The following CXADR variants were observed in gnomAD, a reference collection of about 807,000 sequenced individuals.
CXADR encodes coxsackievirus and adenovirus receptor.
In CXADR, 20 loss-of-function variants were observed where a neutral mutation model predicts 40.3. The observed-to-expected ratio is 0.50, with a 90% CI of 0.35 to 0.72. The LOEUF (loss-of-function observed/expected upper bound fraction) is 0.72. Ranked by LOEUF, CXADR falls within the 30% of genes least tolerant of loss-of-function variation. The pLI, the probability that CXADR is intolerant of heterozygous loss-of-function variation, is 0.01. For missense variants in CXADR, 332 were observed against 449.1 expected (o/e 0.74, Z 2.36); for synonymous variants, 150 against 161.3 (o/e 0.93, Z 0.53).
the CXADR span, among the ~76,000 whole-genome samples, chr21:17,607,837 A>C: frequency 3.3e-5 from 5 of 152,244 alleles, no homozygotes; most frequent in African/African-American, 1.2e-4. Context: ...AGTTTAGCAG[A>C]ACATTCTCAA....
intron 1 of CXADR, among the ~76,000 whole-genome samples, chr21:17,521,318 T>TTTATTA (rs202127220): frequency 1.3e-5 from 2 of 151,526 alleles, no homozygotes; most frequent in African/African-American, 4.8e-5. Context: ...GAAGCCAGAT[T>TTTATTA]TTATTATTAT....
At chr21:17,608,869 GAT>G in the CXADR span, 1 of 1,141,832 alleles carries the variant, frequency 8.8e-7, no homozygotes, top group African/African-American at 1.6e-5. Context: ...ATATTTTGCA[GAT>G]GAAACACCTG....
At chr21:17,614,932 G>A in the CXADR span, among the ~76,000 whole-genome samples, 2 of 152,068 alleles carry the variant, frequency 1.3e-5, no homozygotes, top group Non-Finnish European at 2.9e-5. Flanking sequence ...CTTGTGAGTT[G>A]GAATCACAAA....
chr21:17,514,443 C>T (rs2060432736), intron 1 of CXADR, among the ~76,000 whole-genome samples: 1 of 151,892 alleles, frequency 6.6e-6, no homozygotes, highest in African/African-American at 2.4e-5. Flanking sequence ...GTAAGCCTTC[C>T]GGAGAAGATG....
At chr21:17,594,674 G>A (rs1035590025), downstream of CXADR, among the ~76,000 whole-genome samples, 1 of 152,066 alleles carries the variant, frequency 6.6e-6, no homozygotes, top group Non-Finnish European at 1.5e-5. Flanking sequence ...TAAGCCAGGA[G>A]TCACTTGGAG....
chr21:17,522,198 G>C (rs540060504), intron 1 of CXADR, among the ~76,000 whole-genome samples: 30 of 151,790 alleles, frequency 2.0e-4, no homozygotes, highest in Admixed American at 1.2e-3. Context: ...GCCCAGGCTA[G>C]AGTGCAATGG....
At chr21:17,527,111 A>G (rs2060607048) in intron 1 of CXADR, 1 of 152,208 alleles carries the variant, frequency 6.6e-6, no homozygotes. Context: ...GTAATATACT[A>G]TTTCGGTTGA....
At chr21:17,560,927 T>G in intron 5 of CXADR, 103 bp downstream of exon 5, 4 of 1,503,918 alleles carry the variant, frequency 2.7e-6, no homozygotes, top group Non-Finnish European at 3.6e-6. Flanking sequence ...GGACACTGAC[T>G]TTGATCAGAA....
chr21:17,622,367 G>A, the CXADR span, among the ~76,000 whole-genome samples: 1 of 151,990 alleles, frequency 6.6e-6, no homozygotes, highest in Non-Finnish European at 1.5e-5. Flanking sequence ...ATTTTGTAAT[G>A]ATGTGCTTAT....
chr21:17,635,424 G>T, the CXADR span, among the ~76,000 whole-genome samples: 10 of 152,010 alleles, frequency 6.6e-5, no homozygotes, highest in Non-Finnish European at 1.2e-4. Context: ...AATTTAGTTA[G>T]TAAATTAGAA....
intron 2 of CXADR, among the ~76,000 whole-genome samples, chr21:17,550,318 C>T (rs375158636): frequency 4.7e-5 from 7 of 148,964 alleles, no homozygotes; most frequent in African/African-American, 1.7e-4. Flanking sequence ...CGCACCACTG[C>T]ACTCCTGCCT....
the CXADR span, chr21:17,598,952 C>T: frequency 1.4e-6 from 1 of 718,760 alleles, no homozygotes; most frequent in South Asian, 1.9e-5. Context: ...CAGAACTTGA[C>T]CCTACACATT....
chr21:17,527,846 C>G (rs966678302), intron 1 of CXADR, among the ~76,000 whole-genome samples: 1 of 151,644 alleles, frequency 6.6e-6, no homozygotes, highest in Admixed American at 6.6e-5. Flanking sequence ...GAATCTCGCT[C>G]TGTCGCCCAG....
chr21:17,590,290 TACAGAATAA>T, intron 7 of CXADR, among the ~76,000 whole-genome samples: 1 of 152,100 alleles, frequency 6.6e-6, no homozygotes, highest in East Asian at 1.9e-4. Context: ...TTGTGTGCTT[TACAGAATAA>T]ACATCAAACT....
At chr21:17,578,426 G>A (rs781084568) in intron 7 of CXADR, among the ~76,000 whole-genome samples, 31 of 152,190 alleles carry the variant, frequency 2.0e-4, no homozygotes, top group Middle Eastern at 3.4e-3. Context: ...CCAAGTCAGC[G>A]CCCTGGGGCA....
At chr21:17,558,847 T>C (rs962117147) in intron 3 of CXADR, 129 bp from the exon 4 acceptor site, 4 of 863,394 alleles carry the variant, frequency 4.6e-6, no homozygotes, top group Non-Finnish European at 7.0e-6. Flanking sequence ...CTTACTGTGG[T>C]CTTTCATTCT....
At chr21:17,584,880 G>T (rs2061384038) in intron 7 of CXADR, among the ~76,000 whole-genome samples, 1 of 152,090 alleles carries the variant, frequency 6.6e-6, no homozygotes, top group Non-Finnish European at 1.5e-5. Context: ...ATATTTTCAT[G>T]TTACAGTCTC....
intron 1 of CXADR, among the ~76,000 whole-genome samples, chr21:17,525,718 A>G (rs1166814353): frequency 6.6e-6 from 1 of 152,172 alleles, no homozygotes; most frequent in Non-Finnish European, 1.5e-5. Context: ...GGATGAGCAA[A>G]ATGATCATAT....
chr21:17,556,834 C>T (rs930607431), intron 3 of CXADR, among the ~76,000 whole-genome samples: 1 of 152,114 alleles, frequency 6.6e-6, no homozygotes, highest in Non-Finnish European at 1.5e-5. Flanking sequence ...TAAGGAGTTA[C>T]TAAGAAAGAG....
Sources: allele counts gnomAD v4.1 joint callset (sites outside exome capture counted in the v4.1 genomes callset), GRCh38; gene constraint gnomAD v4.1.1; transcripts MANE v1.5; gene names NCBI Gene and HGNC (gene_info 2026-07-23, HGNC 2026-07-21).